Variants in ARFGEF3 observed in about 807,000 individuals in gnomAD.
The protein encoded by ARFGEF3 is ARFGEF family member 3, also known as brefeldin A-inhibited guanine nucleotide-exchange protein 3.
Under a neutral mutation model 221.7 loss-of-function variants are expected in ARFGEF3, and 96 were observed. The ratio of observed to expected loss-of-function variants is 0.43; its 90% CI spans 0.37 to 0.51. The LOEUF is 0.51. Ranked by LOEUF, ARFGEF3 falls within the 20% of genes least tolerant of loss-of-function variation. The pLI is 0.00. For synonymous variants in ARFGEF3, 1,145 were observed against 1,126.8 expected (o/e 1.02, Z -0.32); for missense variants, 2,410 against 2,789.9 (o/e 0.86, Z 3.07).
At chr6:138,168,292 A>G (rs180738734) in intron 1 of ARFGEF3, among the ~76,000 whole-genome samples, 1 of 152,324 alleles carries the variant, frequency 6.6e-6, no homozygotes, top group Non-Finnish European at 1.5e-5. Context: ...AGGTACTTGG[A>G]ATAAAGAGGG....
chr6:138,238,723 C>T, intron 6 of ARFGEF3, 92 bp downstream of exon 6: 8 of 1,230,562 alleles, frequency 6.5e-6, no homozygotes, highest in Non-Finnish European at 9.3e-6. Flanking sequence ...CTGCCTGCCT[C>T]CTGAAAACAG....
intron 11 of ARFGEF3, among the ~76,000 whole-genome samples, chr6:138,262,076 G>A (rs925422318): frequency 2.6e-5 from 4 of 151,864 alleles, no homozygotes; most frequent in Middle Eastern, 3.2e-3. Flanking sequence ...GAAACACTGA[G>A]CATAATACAA....
Position 138,162,707 on chromosome 6 carries a change from G to A in ARFGEF3, c.85+536G>A, listed in dbSNP as rs1776643309. Among the ~76,000 whole-genome samples, 1 of 152,194 alleles carries A rather than the reference G, an allele frequency of 6.6e-6. No homozygotes were observed. The highest frequency in any genetic ancestry group is 1.5e-5 in the Non-Finnish European group (1 of 68,030). ...GGGATCATGTTACCTCTGCAATTCTGTTGTGGTCTGCCCTTCAGACAGGTG... is the reference window on the plus strand; with the variant it reads ...GGGATCATGTTACCTCTGCAATTCTATTGTGGTCTGCCCTTCAGACAGGTG... On this transcript the variant is annotated intron_variant, in intron 1 of 33. Transcript: ENST00000251691. The surrounding 1 kb of genome is among the most constrained non-coding windows in gnomAD (Gnocchi z 4.7).
intron 7 of ARFGEF3, 43 bp from the exon 8 acceptor site, chr6:138,245,470 C>T (rs780814944): frequency 4.4e-6 from 6 of 1,371,628 alleles, no homozygotes; most frequent in African/African-American, 1.4e-5. Context: ...CTCGTCGTGC[C>T]CCCTGTCGAT....
chr6:138,240,923 G>A (rs1184255365), intron 6 of ARFGEF3, among the ~76,000 whole-genome samples: 1 of 152,138 alleles, frequency 6.6e-6, no homozygotes, highest in Non-Finnish European at 1.5e-5. Flanking sequence ...ATATTTTCTA[G>A]CACGGCCTAT....
At chr6:138,198,244 AG>A (rs1777468166) in intron 2 of ARFGEF3, among the ~76,000 whole-genome samples, 1 of 152,232 alleles carries the variant, frequency 6.6e-6, no homozygotes, top group African/African-American at 2.4e-5. Flanking sequence ...TAATTGCAAT[AG>A]GCTTGCTAAA....
At chr6:138,248,572 A>C (rs1778527505) in intron 8 of ARFGEF3, among the ~76,000 whole-genome samples, 1 of 152,208 alleles carries the variant, frequency 6.6e-6, no homozygotes, top group South Asian at 2.1e-4. Flanking sequence ...GGAGAGGCTC[A>C]TGGTAGTTAT....
At chr6:138,299,189 G>A (rs968054619) in intron 22 of ARFGEF3, among the ~76,000 whole-genome samples, 4 of 108,744 alleles carry the variant, frequency 3.7e-5, no homozygotes, top group Admixed American at 1.4e-4. Context: ...GTGACAGAGC[G>A]AGACTCTGTA....
chr6:138,190,101 A>G (rs908757035), intron 2 of ARFGEF3, among the ~76,000 whole-genome samples: 1 of 151,042 alleles, frequency 6.6e-6, no homozygotes, highest in African/African-American at 2.4e-5. Context: ...ATAAAATAAA[A>G]TAAAAATAAA....
chr6:138,192,212 G>A (rs990768409), intron 2 of ARFGEF3, among the ~76,000 whole-genome samples: 1 of 151,904 alleles, frequency 6.6e-6, no homozygotes, highest in South Asian at 2.1e-4. Context: ...GTCGGGGCCA[G>A]GCAAGGTGGT....
At chr6:138,229,737 A>G (rs748118723) in intron 4 of ARFGEF3, 47 bp from the exon 5 acceptor site, 5 of 1,432,016 alleles carry the variant, frequency 3.5e-6, no homozygotes, top group South Asian at 1.2e-5. Flanking sequence ...GTGAATTTCC[A>G]TACTGTTAAC....
At chr6:138,319,371 G>A (rs1319891375) in intron 27 of ARFGEF3, among the ~76,000 whole-genome samples, 1 of 151,602 alleles carries the variant, frequency 6.6e-6, no homozygotes. Flanking sequence ...ATAAATGTAT[G>A]ATTTCAAAGG....
chr6:138,173,263 A>G (rs1776876443), intron 2 of ARFGEF3, among the ~76,000 whole-genome samples: 1 of 152,130 alleles, frequency 6.6e-6, no homozygotes, highest in African/African-American at 2.4e-5. Context: ...TTCCAGAATT[A>G]CAGCCTTCAC....
intron 33 of ARFGEF3, among the ~76,000 whole-genome samples, 187 bp from the exon 34 acceptor site, chr6:138,336,108 A>AGTTATGATGT (rs1427699917): frequency 9.9e-5 from 15 of 152,196 alleles, no homozygotes; most frequent in African/African-American, 3.4e-4. Flanking sequence ...ATGTATGTGA[A>AGTTATGATGT]GTTATGATGT....
intron 2 of ARFGEF3, among the ~76,000 whole-genome samples, chr6:138,184,392 A>G (rs1218926245): frequency 6.6e-6 from 1 of 152,172 alleles, no homozygotes; most frequent in Non-Finnish European, 1.5e-5. Context: ...AACATTCACA[A>G]CAAGTGAATG....
chr6:138,222,983 T>C (rs1472083871), intron 4 of ARFGEF3, among the ~76,000 whole-genome samples: 4 of 152,180 alleles, frequency 2.6e-5, no homozygotes, highest in African/African-American at 7.2e-5. Context: ...TGTGACTCCA[T>C]CCCTCCCTCA....
In ARFGEF3 at chr6:138,162,266, C is replaced by A; in HGVS notation, c.85+95C>A. Reference sequence around the variant, plus strand: ...CGTGGGGCTTTCGCGGAGCGTCGGTCATGGGTGCCGTTCTGGCGATTGCGA... The same window carrying A: ...CGTGGGGCTTTCGCGGAGCGTCGGTAATGGGTGCCGTTCTGGCGATTGCGA... On this transcript the variant is annotated intron_variant, in intron 1 of 33. Coordinates refer to ENST00000251691, the MANE Select transcript of ARFGEF3 (RefSeq NM_020340.5). The surrounding 1 kb of genome is among the most constrained non-coding windows in gnomAD (Gnocchi z 4.7). 1.2e-6 allele frequency: 1 copy of A among 830,998 alleles called. No individual in the cohort carries two copies. The allele number at this position is 830,998 out of a possible 1,614,324, so 51.5% of individuals were successfully genotyped here. A position where few individuals can be genotyped will look rare whatever the true frequency, so the allele number is the denominator to read the frequency against.
intron 20 of ARFGEF3, 48 bp downstream of exon 20, chr6:138,294,174 CA>C (rs1779465957): frequency 1.3e-6 from 2 of 1,588,242 alleles, no homozygotes; most frequent in Non-Finnish European, 1.7e-6. Flanking sequence ...TAGCAGGAAA[CA>C]GCCCAGGCCT....
intron 2 of ARFGEF3, among the ~76,000 whole-genome samples, chr6:138,193,583 T>C (rs1324362276): frequency 1.3e-5 from 2 of 152,248 alleles, no homozygotes; most frequent in Admixed American, 6.5e-5. Context: ...TATGTACTTC[T>C]CACAAATGGA....
Sources: allele counts gnomAD v4.1 joint callset (sites outside exome capture counted in the v4.1 genomes callset), GRCh38; gene constraint gnomAD v4.1.1; non-coding constraint Gnocchi (gnomAD v3.1); transcripts MANE v1.5; gene names NCBI Gene and HGNC (gene_info 2026-07-23, HGNC 2026-07-21).